Variants in ASTN2 observed in about 807,000 individuals in gnomAD.
ASTN2 encodes astrotactin 2.
ASTN2 carries 54 observed loss-of-function variants against 139.8 expected under a neutral mutation model. The ratio of observed to expected loss-of-function variants is 0.39; its 90% CI spans 0.31 to 0.48. The LOEUF is 0.48. Ranked by LOEUF, ASTN2 falls within the 20% of genes least tolerant of loss-of-function variation. The pLI is 0.95. For synonymous variants in ASTN2, 756 were observed against 719.5 expected (o/e 1.05, Z -0.81); for missense variants, 1,565 against 1,725.1 (o/e 0.91, Z 1.64).
At chr9:117,220,299 T>A (rs1832472024) in intron 2 of ASTN2, among the ~76,000 whole-genome samples, 1 of 151,842 alleles carries the variant, frequency 6.6e-6, no homozygotes, top group Admixed American at 6.6e-5. Flanking sequence ...ATTCCCCAGC[T>A]CCCCACAAGC....
intron 2 of ASTN2, among the ~76,000 whole-genome samples, chr9:117,227,165 A>C (rs1276264516): frequency 6.6e-6 from 1 of 152,188 alleles, no homozygotes; most frequent in East Asian, 1.9e-4. Context: ...TCTATCACCA[A>C]GACAGAGTCA....
At chr9:117,047,818 T>C (rs544489918) in intron 5 of ASTN2, among the ~76,000 whole-genome samples, 21 of 152,054 alleles carry the variant, frequency 1.4e-4, no homozygotes, top group Non-Finnish European at 2.8e-4. Context: ...AAGATTACTT[T>C]CTTAGTAAAG....
intron 11 of ASTN2, among the ~76,000 whole-genome samples, chr9:116,845,137 C>G (rs991764586): frequency 1.3e-5 from 2 of 152,056 alleles, no homozygotes; most frequent in African/African-American, 4.8e-5. Context: ...TTTTTTGAGA[C>G]GGAGTCTCAC....
intron 20 of ASTN2, among the ~76,000 whole-genome samples, chr9:116,464,891 C>T (rs1848605322): frequency 6.6e-6 from 1 of 152,158 alleles, no homozygotes. Context: ...TGCGATATGC[C>T]TGATGTCTAT....
intron 1 of ASTN2, among the ~76,000 whole-genome samples, chr9:117,344,678 T>C (rs1829162010): frequency 6.6e-6 from 1 of 152,196 alleles, no homozygotes; most frequent in Non-Finnish European, 1.5e-5. Context: ...CAATGATTTA[T>C]TTTGTTTTCA....
Position 117,358,532 on chromosome 9 carries a change from G to T in ASTN2, c.442+55965C>A, listed in dbSNP as rs552685627. On this transcript the variant is annotated intron_variant, in intron 1 of 22. Transcript: ENST00000313400. ...TGCGAAAGGGGCCAGCATTAAACTG[G>T]GGGCAATTGTCTTTACATCACCCTG... Among the ~76,000 whole-genome samples the T allele has an allele frequency of 1.6e-4, 25 of 152,106 alleles. 1 individual carries two copies. The South Asian group carries it at 4.8e-3, about 29-fold the overall frequency.
intron 3 of ASTN2, among the ~76,000 whole-genome samples, chr9:117,175,625 T>C (rs116580444): frequency 0.015 from 2,333 of 152,328 alleles, 50 homozygotes; most frequent in African/African-American, 0.054. Context: ...ACTTGTCCTA[T>C]GACAGTGGTG....
chr9:116,860,634 A>C (rs930540090), intron 11 of ASTN2, among the ~76,000 whole-genome samples: 4 of 152,148 alleles, frequency 2.6e-5, no homozygotes, highest in African/African-American at 4.8e-5. Flanking sequence ...CTCAGCTCCC[A>C]GTGTGGGAAA....
At chr9:116,461,475 C>A (rs1848485981) in intron 20 of ASTN2, among the ~76,000 whole-genome samples, 2 of 152,024 alleles carry the variant, frequency 1.3e-5, no homozygotes, top group African/African-American at 4.8e-5. Flanking sequence ...TACACACATG[C>A]ACACACACAT....
intron 17 of ASTN2, among the ~76,000 whole-genome samples, chr9:116,623,323 C>G (rs1228066936): frequency 1.3e-5 from 2 of 152,066 alleles, no homozygotes; most frequent in Non-Finnish European, 2.9e-5. Flanking sequence ...CTGTAAGAAT[C>G]CACATCCACT....
At chr9:117,348,409 T>C (rs531513558) in intron 1 of ASTN2, among the ~76,000 whole-genome samples, 6 of 152,306 alleles carry the variant, frequency 3.9e-5, no homozygotes, top group Non-Finnish European at 7.4e-5. Context: ...CAGTGTCAGA[T>C]ACAAGCATGT....
chr9:116,736,071 C>G (rs1810059898), intron 13 of ASTN2, among the ~76,000 whole-genome samples: 1 of 152,212 alleles, frequency 6.6e-6, no homozygotes. Flanking sequence ...AGTTATGTAA[C>G]TACCTAAAGC....
intron 3 of ASTN2, among the ~76,000 whole-genome samples, chr9:117,189,903 C>T: frequency 6.6e-6 from 1 of 152,256 alleles, no homozygotes; most frequent in South Asian, 2.1e-4. Context: ...AAGATACATA[C>T]CTTCTAGAAA....
At chr9:117,184,319 ACTGT>A (rs1250242904) in intron 3 of ASTN2, among the ~76,000 whole-genome samples, 5 of 152,224 alleles carry the variant, frequency 3.3e-5, no homozygotes, top group African/African-American at 7.2e-5. Flanking sequence ...AAGCAGGCAG[ACTGT>A]CTGTCCATGG....
intron 2 of ASTN2, among the ~76,000 whole-genome samples, chr9:117,279,831 G>T (rs556680204): frequency 6.6e-6 from 1 of 152,166 alleles, no homozygotes; most frequent in African/African-American, 2.4e-5. Context: ...CCAGCTTATG[G>T]TAGCTCTTGG....
chr9:117,184,316 C>T (rs1207180558), intron 3 of ASTN2, among the ~76,000 whole-genome samples: 1 of 152,200 alleles, frequency 6.6e-6, no homozygotes, highest in Non-Finnish European at 1.5e-5. Context: ...CCAAAGCAGG[C>T]AGACTGTCTG....
chr9:116,531,408 G>C (rs1264155468), intron 19 of ASTN2, among the ~76,000 whole-genome samples: 6 of 152,168 alleles, frequency 3.9e-5, no homozygotes, highest in Non-Finnish European at 7.3e-5. Flanking sequence ...GGGTACATAT[G>C]CACAACGTGC....
intron 10 of ASTN2, among the ~76,000 whole-genome samples, chr9:116,961,505 A>T (rs1045381104): frequency 6.6e-6 from 1 of 152,212 alleles, no homozygotes; most frequent in Non-Finnish European, 1.5e-5. Flanking sequence ...TTCCCTTAGC[A>T]TAGTGTCCTC....
chr9:116,708,615 A>G (rs1440078775), intron 16 of ASTN2, among the ~76,000 whole-genome samples: 1 of 152,198 alleles, frequency 6.6e-6, no homozygotes, highest in South Asian at 2.1e-4. Flanking sequence ...TAATCATAAA[A>G]GAGCTCACGA....
Sources: allele counts gnomAD v4.1 joint callset (sites outside exome capture counted in the v4.1 genomes callset), GRCh38; gene constraint gnomAD v4.1.1; transcripts MANE v1.5; gene names NCBI Gene and HGNC (gene_info 2026-07-23, HGNC 2026-07-21).